The following EYS variants were observed in gnomAD, a reference collection of about 807,000 sequenced individuals.
EYS encodes protein eyes shut homolog.
Under a neutral mutation model 282.1 loss-of-function variants are expected in EYS, and 250 were observed. The observed-to-expected ratio is 0.89, with a 90% CI of 0.80 to 0.98. The LOEUF (loss-of-function observed/expected upper bound fraction) is 0.98, where lower values mean the gene tolerates loss of function less well. EYS is among the 50% of genes least tolerant of loss of function. The probability of loss-of-function intolerance (pLI) is 0.00; values close to 1 mark genes in which losing one functional copy is unlikely to be tolerated. For synonymous variants in EYS, 1,355 were observed against 1,282.9 expected (o/e 1.06, Z -1.20); for missense variants, 4,016 against 3,709.0 (o/e 1.08, Z -2.15).
intron 15 of EYS, among the ~76,000 whole-genome samples, chr6:64,927,204 A>G (rs1316883518): frequency 3.3e-5 from 5 of 152,192 alleles, no homozygotes; most frequent in Non-Finnish European, 5.9e-5. Context: ...CAGATCTAGG[A>G]GAAACACATA....
intron 33 of EYS, among the ~76,000 whole-genome samples, chr6:64,001,977 C>T (rs1768115623): frequency 6.6e-6 from 1 of 152,202 alleles, no homozygotes; most frequent in Admixed American, 6.5e-5. Flanking sequence ...TGTTTTCATG[C>T]ACAAATGTTG....
At chr6:65,278,222 G>A (rs1035307573) in intron 12 of EYS, among the ~76,000 whole-genome samples, 3 of 128,014 alleles carry the variant, frequency 2.3e-5, no homozygotes, top group African/African-American at 8.0e-5. Flanking sequence ...CTGGCTGCTT[G>A]TTAACCTGCA....
At chr6:64,250,094 A>G (rs567147982) in intron 30 of EYS, among the ~76,000 whole-genome samples, 3 of 152,344 alleles carry the variant, frequency 2.0e-5, no homozygotes, top group Admixed American at 2.0e-4. Context: ...GCTGAGAAAA[A>G]ATTCAGTCCA....
intron 40 of EYS, among the ~76,000 whole-genome samples, chr6:63,766,304 A>AC (rs1372950163): frequency 6.6e-6 from 1 of 151,934 alleles, no homozygotes; most frequent in Non-Finnish European, 1.5e-5. Flanking sequence ...TAGTTTTCTG[A>AC]CCCCGGCACT....
At chr6:64,313,167 C>G (rs1372737148) in intron 29 of EYS, among the ~76,000 whole-genome samples, 2 of 152,156 alleles carry the variant, frequency 1.3e-5, no homozygotes, top group Admixed American at 1.3e-4. Flanking sequence ...ACTAGAATAA[C>G]CAGTTTAGAG....
intron 22 of EYS, among the ~76,000 whole-genome samples, chr6:64,664,963 C>T (rs1249710931): frequency 6.6e-6 from 1 of 152,158 alleles, no homozygotes; most frequent in Non-Finnish European, 1.5e-5. Context: ...TATTAATATA[C>T]ATCTATTACT....
chr6:63,720,360 C>A lies in EYS; in HGVS notation c.*236G>T. 1 of 439,142 alleles carries A rather than the reference C, an allele frequency of 2.3e-6. No homozygotes were observed. Among genetic ancestry groups the A allele is most frequent in the Non-Finnish European group, 4.0e-6 (1 of 249,830 alleles). 27.2% of individuals were successfully genotyped at this position (439,142 alleles called of 1,614,324 possible). ...TGAATAAGCACATTCTGTGAATAAG[C>A]ACTGAACTAATGGAGTTAAAACATG... On this transcript the variant is annotated 3_prime_UTR_variant, in exon 43 of 43. Transcript: ENST00000503581.
intron 29 of EYS, among the ~76,000 whole-genome samples, chr6:64,319,699 A>ATGGT (rs1294177105): frequency 1.0e-5 from 1 of 99,838 alleles, no homozygotes; most frequent in African/African-American, 3.8e-5. Context: ...AGATGGATGG[A>ATGGT]TGGATGGATG....
At chr6:64,520,207 T>G (rs995082784) in intron 26 of EYS, among the ~76,000 whole-genome samples, 7 of 151,768 alleles carry the variant, frequency 4.6e-5, no homozygotes, top group African/African-American at 1.4e-4. Context: ...CAACCCATTT[T>G]GAGAACTGCT....
rs1172112238 is a variant in EYS, at chr6:64,388,681, T to C, written c.6078+9A>G. On this transcript the variant is annotated intron_variant, in intron 29 of 42. Coordinates refer to ENST00000503581, the MANE Select transcript of EYS (RefSeq NM_001142800.2). ...AATAATTAATATTTTAAAACATCTA[T>C]AGAAATACCTGGATTTTCCCATGAA... The C allele has an allele frequency of 6.0e-6, 9 of 1,512,524 alleles. No homozygotes were observed. The highest frequency in any genetic ancestry group is 5.6e-5 in the African/African-American group (4 of 71,560). 93.7% of individuals were successfully genotyped at this position (1,512,524 alleles called of 1,614,324 possible).
chr6:64,740,630 C>A (rs1583101937), intron 22 of EYS, among the ~76,000 whole-genome samples: 1 of 151,910 alleles, frequency 6.6e-6, no homozygotes, highest in African/African-American at 2.4e-5. Context: ...GTCTGTGAGA[C>A]ACATTATCAT....
intron 28 of EYS, among the ~76,000 whole-genome samples, chr6:64,397,848 G>A (rs527660504): frequency 4.0e-5 from 6 of 151,538 alleles, no homozygotes; most frequent in African/African-American, 7.3e-5. Flanking sequence ...TCTAACATGC[G>A]CTTTCAGGAT....
Position 64,886,854 on chromosome 6 carries a change from T to C in EYS, c.2847-12A>G. 3 of 1,491,028 alleles carry C rather than the reference T, an allele frequency of 2.0e-6. No homozygotes were observed. The highest frequency in any genetic ancestry group is 2.7e-6 in the Non-Finnish European group (3 of 1,111,128). The allele number at this position is 1,491,028 out of a possible 1,614,324, so 92.4% of individuals were successfully genotyped here. ...AATTACAAAAAAATCTGGAGAAAAG[T>C]GGAGAAATGAGGAATAGCCATGTAA... On this transcript the variant is annotated splice_polypyrimidine_tract_variant and intron_variant, in intron 18 of 42. Coordinates refer to ENST00000503581, the MANE Select transcript of EYS (RefSeq NM_001142800.2).
At position 64,590,670 on chromosome 6, in the gene EYS, T is replaced by A; in HGVS notation, c.5197A>T (p.Thr1733Ser). 1 of 1,551,318 alleles carries A rather than the reference T, an allele frequency of 6.4e-7. No individual in the cohort carries two copies. The highest frequency in any genetic ancestry group is 8.7e-7 in the Non-Finnish European group (1 of 1,146,744). ...TCACTTGGGTGAAGTTTGAACAGTG[T>A]ATGAGATCCTTTACTTTTTTCCATG... is the stretch of plus-strand genomic sequence containing the variant. ...LDMEKSKGSH[T>S]LFKLHPSDSS... Residue 1733 changes from threonine to serine, a missense_variant, in exon 26 of 43, where the codon ACA becomes TCA. Physicochemically the swap from Thr to Ser is moderately conservative, Grantham distance 58 (BLOSUM62 1). Transcript: ENST00000503581.
intron 22 of EYS, among the ~76,000 whole-genome samples, chr6:64,776,652 A>G (rs1447701887): frequency 1.3e-5 from 2 of 152,108 alleles, no homozygotes. Context: ...AGCTCATCAC[A>G]TGTCTCATCA....
chr6:65,263,042 T>C (rs1767659459), intron 12 of EYS, among the ~76,000 whole-genome samples: 1 of 152,118 alleles, frequency 6.6e-6, no homozygotes, highest in African/African-American at 2.4e-5. Context: ...TGACAGCGAA[T>C]TGTAAACAAT....
chr6:64,382,357 A>G (rs1772775744), intron 29 of EYS, among the ~76,000 whole-genome samples: 1 of 152,128 alleles, frequency 6.6e-6, no homozygotes, highest in African/African-American at 2.4e-5. Flanking sequence ...AACCTTCCCT[A>G]CAAGCCTCAG....
intron 12 of EYS, among the ~76,000 whole-genome samples, chr6:65,135,278 T>G (rs1002850687): frequency 6.6e-6 from 1 of 152,122 alleles, no homozygotes; most frequent in African/African-American, 2.4e-5. Flanking sequence ...ACATTCCCTA[T>G]GTTATCCTCA....
intron 12 of EYS, among the ~76,000 whole-genome samples, chr6:65,130,497 G>T (rs1201258902): frequency 6.6e-6 from 1 of 151,898 alleles, no homozygotes; most frequent in Non-Finnish European, 1.5e-5. Flanking sequence ...CATGTCCTTT[G>T]TAGGGACTTG....
Sources: gnomAD v4.1 joint callset for allele counts (sites outside exome capture counted in the v4.1 genomes callset) on GRCh38, gnomAD v4.1.1 for gene constraint, MANE v1.5 for transcripts, NCBI Gene and HGNC (gene_info 2026-07-23, HGNC 2026-07-21) for gene names.